ORC4: variants seen among roughly 807,000 people sequenced by gnomAD.
ORC4 encodes origin recognition complex subunit 4.
In ORC4, 55 loss-of-function variants were observed where a neutral mutation model predicts 63.9. The ratio of observed to expected loss-of-function variants is 0.86; its 90% CI spans 0.69 to 1.08. ORC4 has a LOEUF of 1.08. Ranked by LOEUF, ORC4 falls within the 50% of genes least tolerant of loss-of-function variation. The pLI is 0.00. For synonymous variants in ORC4, 150 were observed against 168.5 expected, an observed-to-expected ratio of 0.89 and a Z score of 0.85; for missense variants, 511 against 504.4, an observed-to-expected ratio of 1.01 and a Z score of -0.13.
In ORC4 at chr2:147,938,153, A is replaced by T; in HGVS notation, c.1115T>A (p.Val372Asp). 1 of 1,606,972 alleles carries T rather than the reference A, an allele frequency of 6.2e-7. No homozygotes were observed. Among genetic ancestry groups the T allele is most frequent in the Non-Finnish European group, 8.5e-7 (1 of 1,173,982 alleles). Residue 372 changes from valine to aspartate, a missense_variant, in exon 13 of 14, where the codon GTC becomes GAC. Physicochemically the swap from Val to Asp is radical, Grantham distance 152. Coordinates refer to ENST00000392857, the MANE Select transcript of ORC4 (RefSeq NM_181741.4). Reference sequence around the variant, plus strand: ...CAGCAAACTAAATCTTACCTTCATGACAACAGGTTTTTCAAAATTATAAAC... The same window carrying T: ...CAGCAAACTAAATCTTACCTTCATGTCAACAGGTTTTTCAAAATTATAAAC... ...HSVYNFEKPV[V>D]MKAFEHLQQL...
At chr2:148,020,378 T>C (rs901772430) in intron 1 of ORC4, among the ~76,000 whole-genome samples, 6 of 152,176 alleles carry the variant, frequency 3.9e-5, no homozygotes, top group Non-Finnish European at 7.3e-5. Context: ...ACTACCCCGA[T>C]GCAGAGGTAG....
At chr2:147,974,431 C>T (rs1041320167) in intron 2 of ORC4, among the ~76,000 whole-genome samples, 1 of 151,928 alleles carries the variant, frequency 6.6e-6, no homozygotes, top group Non-Finnish European at 1.5e-5. Context: ...GTTAGGAGTT[C>T]AAGACCAGCC....
At chr2:147,988,224 G>A (rs538692827) in intron 1 of ORC4, among the ~76,000 whole-genome samples, 84 of 152,148 alleles carry the variant, frequency 5.5e-4, no homozygotes, top group African/African-American at 1.9e-3. Context: ...CCTAAGGAAA[G>A]GGAAGAGTTC....
chr2:147,946,150 G>C (rs1255146935), intron 9 of ORC4, among the ~76,000 whole-genome samples: 1 of 152,062 alleles, frequency 6.6e-6, no homozygotes, highest in East Asian at 1.9e-4. Flanking sequence ...TTCTTCACCA[G>C]TAACTCCCAG....
chr2:147,962,860 T>C (rs1006305494), intron 4 of ORC4, among the ~76,000 whole-genome samples: 1 of 151,880 alleles, frequency 6.6e-6, no homozygotes, highest in African/African-American at 2.4e-5. Context: ...AATCAGAGCC[T>C]GAAAAATAGC....
rs1688660867 is a variant in ORC4, at chr2:147,946,400, GT to G, written c.762+1650del. Among the ~76,000 whole-genome samples the G allele has an allele frequency of 1.2e-4, 19 of 152,166 alleles. No homozygotes were observed. The South Asian group carries it at 3.7e-3, about 30-fold the overall frequency. ...ACATACTGGTGGAATAAGACAATCA[GT>G]TCAGGAGTTGTAGAAGATGAAAGTC... On this transcript the variant is annotated intron_variant, in intron 9 of 13. Coordinates refer to ENST00000392857, the MANE Select transcript of ORC4 (RefSeq NM_181741.4).
At chr2:148,001,521 T>C (rs1020290686) in intron 1 of ORC4, among the ~76,000 whole-genome samples, 3 of 152,106 alleles carry the variant, frequency 2.0e-5, no homozygotes, top group Non-Finnish European at 4.4e-5. Context: ...GCTTCATAAG[T>C]GAAGGATAAA....
At chr2:147,996,442 C>T (rs73005176) in intron 1 of ORC4, among the ~76,000 whole-genome samples, 2,536 of 152,276 alleles carry the variant, frequency 0.017, 76 homozygotes, top group African/African-American at 0.058. Flanking sequence ...TTGATTTAGA[C>T]TTCATTAAAA....
At chr2:147,946,646 T>C (rs1036031262) in intron 9 of ORC4, among the ~76,000 whole-genome samples, 1 of 152,054 alleles carries the variant, frequency 6.6e-6, no homozygotes, top group Admixed American at 6.6e-5. Flanking sequence ...CATACCTAAT[T>C]ATATCAAGGC....
intron 1 of ORC4, among the ~76,000 whole-genome samples, chr2:148,010,027 A>C (rs1692854539): frequency 6.6e-6 from 1 of 152,238 alleles, no homozygotes; most frequent in African/African-American, 2.4e-5. Flanking sequence ...AATGGAATAA[A>C]AGTAGAAATA....
intron 1 of ORC4, among the ~76,000 whole-genome samples, chr2:148,001,253 A>T: frequency 6.6e-6 from 1 of 152,140 alleles, no homozygotes; most frequent in East Asian, 1.9e-4. Context: ...AAACTTAAGC[A>T]TGTGTTCTTT....
chr2:147,969,422 A>G (rs1459132703), intron 4 of ORC4, among the ~76,000 whole-genome samples: 2 of 152,110 alleles, frequency 1.3e-5, no homozygotes, highest in Non-Finnish European at 2.9e-5. Flanking sequence ...TTATGAGTCA[A>G]TTTAAAAATA....
At chr2:147,996,674 T>G in intron 1 of ORC4, among the ~76,000 whole-genome samples, 1 of 152,134 alleles carries the variant, frequency 6.6e-6, no homozygotes, top group South Asian at 2.1e-4. Context: ...ACATCATATG[T>G]CAATAGGGAA....
At chr2:147,966,341 T>C (rs183541450) in intron 4 of ORC4, among the ~76,000 whole-genome samples, 2 of 151,980 alleles carry the variant, frequency 1.3e-5, no homozygotes, top group East Asian at 1.9e-4. Context: ...AATCTAACAA[T>C]GTATTCCAAA....
chr2:148,015,440 G>C (rs186230231), intron 1 of ORC4, among the ~76,000 whole-genome samples: 1,658 of 148,162 alleles, frequency 0.011, 14 homozygotes, highest in Non-Finnish European at 0.016. Context: ...TCAGCCTTCT[G>C]AGTAGCTGGG....
chr2:148,007,867 T>G (rs528191678), intron 1 of ORC4, among the ~76,000 whole-genome samples: 3 of 152,162 alleles, frequency 2.0e-5, no homozygotes, highest in Non-Finnish European at 1.5e-5. Flanking sequence ...ATACTACATC[T>G]GGCAGCAAAC....
intron 8 of ORC4, 21 bp downstream of exon 8, chr2:147,952,352 T>G: frequency 6.5e-7 from 1 of 1,540,036 alleles, no homozygotes; most frequent in East Asian, 2.3e-5. Context: ...ATCAATTTTT[T>G]TAATGAACAG....
intron 1 of ORC4, among the ~76,000 whole-genome samples, chr2:147,977,365 C>T (rs1351378487): frequency 6.6e-6 from 1 of 152,180 alleles, no homozygotes; most frequent in African/African-American, 2.4e-5. Context: ...TCAAAAAAAG[C>T]TGACTTATCA....
At chr2:147,979,258 G>A (rs952038382) in intron 1 of ORC4, among the ~76,000 whole-genome samples, 1 of 152,060 alleles carries the variant, frequency 6.6e-6, no homozygotes, top group Non-Finnish European at 1.5e-5. Context: ...ATACAGTAAA[G>A]TGGCAGGATA....
Sources: allele counts gnomAD v4.1 joint callset (sites outside exome capture counted in the v4.1 genomes callset), GRCh38; gene constraint gnomAD v4.1.1; transcripts MANE v1.5; gene names NCBI Gene and HGNC (gene_info 2026-07-23, HGNC 2026-07-21).